The following SLC16A2 variants were observed in gnomAD, a reference collection of about 807,000 sequenced individuals.
SLC16A2 encodes the protein solute carrier family 16 member 2, also known as monocarboxylate transporter 8.
SLC16A2 carries 3 observed loss-of-function variants against 27.2 expected under a neutral mutation model. The ratio of observed to expected loss-of-function variants is 0.11; its 90% CI spans 0.05 to 0.28. The LOEUF (loss-of-function observed/expected upper bound fraction) is 0.28. Ranked by LOEUF, SLC16A2 falls within the 10% of genes least tolerant of loss-of-function variation. The pLI is 1.00. For synonymous variants in SLC16A2, 202 were observed against 187.8 expected (o/e 1.08, Z -0.62); for missense variants, 295 against 458.5 (o/e 0.64, Z 3.26).
At chrX:74,489,939 T>G (rs1929790559) in intron 1 of SLC16A2, among the ~76,000 whole-genome samples, 1 of 96,137 alleles carries the variant, frequency 1.0e-5, no homozygotes, top group African/African-American at 3.9e-5. Context: ...AAACATGAAA[T>G]TATAGAAGTC....
At chrX:74,490,022 GGC>G (rs1233772886) in intron 1 of SLC16A2, among the ~76,000 whole-genome samples, 1 of 92,465 alleles carries the variant, frequency 1.1e-5, no homozygotes, top group Non-Finnish European at 2.2e-5. Context: ...AAGATCCTAT[GGC>G]TTTTACTTCA....
intron 2 of SLC16A2, among the ~76,000 whole-genome samples, 198 bp from the exon 3 acceptor site, chrX:74,524,161 T>C (rs1438120697): frequency 9.0e-6 from 1 of 111,638 alleles, no homozygotes; most frequent in Non-Finnish European, 1.9e-5. Context: ...GGCTAATTAT[T>C]TTACCTCGCT....
At chrX:74,502,323 C>T (rs1170363402) in intron 1 of SLC16A2, among the ~76,000 whole-genome samples, 1 of 111,510 alleles carries the variant, frequency 9.0e-6, no homozygotes, top group Non-Finnish European at 1.9e-5. Context: ...CAGATACCAG[C>T]CTCATCAGTG....
intron 4 of SLC16A2, among the ~76,000 whole-genome samples, chrX:74,528,041 C>T (rs1477175763): frequency 3.6e-5 from 4 of 112,322 alleles, no homozygotes; most frequent in Non-Finnish European, 7.5e-5. Context: ...ACTGATCAAC[C>T]TAAAAAACTC....
At chrX:74,526,567 A>T (rs1445713086) in intron 4 of SLC16A2, among the ~76,000 whole-genome samples, 1 of 112,401 alleles carries the variant, frequency 8.9e-6, no homozygotes, top group Admixed American at 9.4e-5. Flanking sequence ...GTGTTAGATT[A>T]CAAGAGTTGG....
intron 1 of SLC16A2, among the ~76,000 whole-genome samples, chrX:74,468,784 G>T (rs1273077743): frequency 9.0e-6 from 1 of 111,684 alleles, no homozygotes; most frequent in African/African-American, 3.2e-5. Context: ...CAAGGTAACT[G>T]GGATATCCAT....
At chrX:74,449,148 G>A (rs1326027537) in intron 1 of SLC16A2, among the ~76,000 whole-genome samples, 2 of 111,673 alleles carry the variant, frequency 1.8e-5, no homozygotes, top group African/African-American at 6.5e-5. Context: ...AACTGGGGAG[G>A]GAAGTATGAA....
chrX:74,458,056 A>C (rs948271506), intron 1 of SLC16A2, among the ~76,000 whole-genome samples: 1 of 112,185 alleles, frequency 8.9e-6, no homozygotes, highest in East Asian at 2.8e-4. Flanking sequence ...GTGATACTAA[A>C]GAAACAAAAC....
intron 1 of SLC16A2, among the ~76,000 whole-genome samples, chrX:74,515,426 A>G (rs1930302938): frequency 9.0e-6 from 1 of 111,222 alleles, no homozygotes; most frequent in Admixed American, 9.6e-5. Flanking sequence ...CAAAATATTT[A>G]ACATTTCTGT....
intron 1 of SLC16A2, among the ~76,000 whole-genome samples, chrX:74,511,276 G>T (rs895970305): frequency 9.0e-6 from 1 of 110,660 alleles, no homozygotes; most frequent in Admixed American, 9.6e-5. Context: ...CCGCCTCCCA[G>T]GTTCGCGCCA....
At chrX:74,483,934 T>C (rs1929670827) in intron 1 of SLC16A2, among the ~76,000 whole-genome samples, 1 of 111,051 alleles carries the variant, frequency 9.0e-6, no homozygotes, top group Non-Finnish European at 1.9e-5. Flanking sequence ...ATAAAACTTC[T>C]GCAACATGGA....
At chrX:74,497,194 G>A (rs1340222221) in intron 1 of SLC16A2, among the ~76,000 whole-genome samples, 5 of 111,762 alleles carry the variant, frequency 4.5e-5, no homozygotes, top group Middle Eastern at 8.4e-3. Flanking sequence ...GCACAGGTCC[G>A]GGGTGAAGCC....
chrX:74,512,661 G>A (rs1187422913), intron 1 of SLC16A2, among the ~76,000 whole-genome samples: 2 of 112,299 alleles, frequency 1.8e-5, no homozygotes, highest in Non-Finnish European at 3.8e-5. Flanking sequence ...GCCAAGGAGT[G>A]AGGAATCTGG....
intron 1 of SLC16A2, among the ~76,000 whole-genome samples, chrX:74,512,346 A>T (rs1472560973): frequency 8.9e-6 from 1 of 112,233 alleles, no homozygotes; most frequent in Non-Finnish European, 1.9e-5. Context: ...TGGATAGCTT[A>T]GCCTTAGAAC....
intron 1 of SLC16A2, among the ~76,000 whole-genome samples, chrX:74,441,304 C>T (rs947487146): frequency 1.8e-5 from 2 of 111,480 alleles, no homozygotes; most frequent in African/African-American, 6.5e-5. Flanking sequence ...GGTAATCCAC[C>T]TGCCTTGGCC....
At chrX:74,472,928 G>A in intron 1 of SLC16A2, 1 of 386,918 alleles carries the variant, frequency 2.6e-6, no homozygotes, top group Non-Finnish European at 4.7e-6. Context: ...CCACCACTGT[G>A]CTTTGCTAAA....
At chrX:74,501,033 C>T (rs1216495519) in intron 1 of SLC16A2, among the ~76,000 whole-genome samples, 2 of 105,848 alleles carry the variant, frequency 1.9e-5, no homozygotes, top group Non-Finnish European at 3.9e-5. Flanking sequence ...TTGCAGTTTT[C>T]GCCATTGAGA....
intron 1 of SLC16A2, among the ~76,000 whole-genome samples, chrX:74,465,148 G>A (rs1337672348): frequency 8.9e-6 from 1 of 111,809 alleles, no homozygotes; most frequent in Non-Finnish European, 1.9e-5. Context: ...CTTCCTTCCA[G>A]TACTCCCCAA....
chrX:74,505,014 A>T (rs1930100639), intron 1 of SLC16A2, among the ~76,000 whole-genome samples: 1 of 111,726 alleles, frequency 9.0e-6, no homozygotes, highest in African/African-American at 3.3e-5. Flanking sequence ...ACACACAAAA[A>T]ACACAAATAG....
Sources: allele counts gnomAD v4.1 joint callset (sites outside exome capture counted in the v4.1 genomes callset), GRCh38; gene constraint gnomAD v4.1.1; transcripts MANE v1.5; gene names NCBI Gene and HGNC (gene_info 2026-07-23, HGNC 2026-07-21).